The following PDCD1LG2 variants were observed in gnomAD, a reference collection of about 807,000 sequenced individuals.
The protein encoded by PDCD1LG2 is programmed cell death 1 ligand 2.
In PDCD1LG2, 32 loss-of-function variants were observed where a neutral mutation model predicts 28.2. That is an observed-to-expected ratio of 1.13 (90% confidence interval 0.86 to 1.52). The LOEUF (loss-of-function observed/expected upper bound fraction) is 1.52. Among genes scored for constraint, PDCD1LG2 ranks in the 40% most tolerant of loss-of-function variants. The pLI, the probability that PDCD1LG2 is intolerant of heterozygous loss-of-function variation, is 0.00. For missense variants in PDCD1LG2, 385 were observed against 323.8 expected (o/e 1.19, Z -1.45); for synonymous variants, 116 against 120.2 (o/e 0.97, Z 0.23).
chr9:5,538,106 GAGA>G (rs1480943213), intron 3 of PDCD1LG2, among the ~76,000 whole-genome samples: 1 of 152,126 alleles, frequency 6.6e-6, no homozygotes, highest in Non-Finnish European at 1.5e-5. Flanking sequence ...AATTTAGACA[GAGA>G]AGAATTTTTT....
rs140528104 is a variant in PDCD1LG2, at chr9:5,526,087, G to A, written c.55+3486G>A. ...AAGTAAGGAAGAGACTGATAAGCCC[G>A]ATATTCAGGACGCCAGTTACCTCTG... On this transcript the variant is annotated intron_variant, in intron 2 of 6. Transcript: ENST00000397747. Among the ~76,000 whole-genome samples, 84 of 150,668 alleles carry A rather than the reference G, an allele frequency of 5.6e-4. 1 individual carries two copies. The East Asian group carries it at 0.016, about 28-fold the overall frequency.
intron 3 of PDCD1LG2, among the ~76,000 whole-genome samples, chr9:5,543,671 G>A (rs1014341083): frequency 6.6e-6 from 1 of 152,124 alleles, no homozygotes; most frequent in African/African-American, 2.4e-5. Flanking sequence ...AAGGCCCAAG[G>A]AAAGCATTTG....
At chr9:5,537,926 C>A (rs1429231657) in intron 3 of PDCD1LG2, among the ~76,000 whole-genome samples, 2 of 152,102 alleles carry the variant, frequency 1.3e-5, no homozygotes, top group African/African-American at 4.8e-5. Flanking sequence ...TTTAAAGCTT[C>A]ATAGTCACAA....
intron 2 of PDCD1LG2, among the ~76,000 whole-genome samples, chr9:5,530,694 T>C (rs1004728158): frequency 6.6e-6 from 1 of 152,220 alleles, no homozygotes; most frequent in Non-Finnish European, 1.5e-5. Context: ...TAGCAACATC[T>C]ACCTCGCAGA....
Position 5,570,302 on chromosome 9 carries a change from T to C in PDCD1LG2, c.*343T>C. 3.5e-6 allele frequency: 1 copy of C among 285,882 alleles called. No individual in the cohort carries two copies. The highest frequency in any genetic ancestry group is 6.6e-6 in the Non-Finnish European group (1 of 151,308). The allele number at this position is 285,882 out of a possible 1,614,324, so 17.7% of individuals were successfully genotyped here. On this transcript the variant is annotated 3_prime_UTR_variant, in exon 7 of 7. Coordinates refer to ENST00000397747, the MANE Select transcript of PDCD1LG2 (RefSeq NM_025239.4). ...AGGAATTATTTCCCCTCAAGTTTTC[T>C]AAGTGATTTCCAAAAGCAGAGGTGT... is the stretch of plus-strand genomic sequence containing the variant.
intron 2 of PDCD1LG2, among the ~76,000 whole-genome samples, chr9:5,524,219 G>A (rs908920013): frequency 3.3e-5 from 5 of 152,132 alleles, no homozygotes; most frequent in South Asian, 2.1e-4. Flanking sequence ...AGGTGACACC[G>A]GCAAGATTTC....
chr9:5,551,729 T>C (rs1001569251), intron 4 of PDCD1LG2, among the ~76,000 whole-genome samples: 1 of 152,174 alleles, frequency 6.6e-6, no homozygotes, highest in Non-Finnish European at 1.5e-5. Flanking sequence ...TAAGCCTAAC[T>C]AGAATTCTAC....
rs1167874917 is a variant in PDCD1LG2 at position 5,569,941 on chromosome 9, C to T, written c.817-13C>T. 6.2e-7 allele frequency: 1 copy of T among 1,613,518 alleles called. No individual in the cohort carries two copies. Among genetic ancestry groups the T allele is most frequent in the Non-Finnish European group, 8.5e-7 (1 of 1,179,610 alleles). ...AAAAATGATTTTTCTTATTTGTGGGCTTTTCTCCCCAGATCTGAACCTGTG... is the reference window on the plus strand; with the variant it reads ...AAAAATGATTTTTCTTATTTGTGGGTTTTTCTCCCCAGATCTGAACCTGTG... On this transcript the variant is annotated splice_polypyrimidine_tract_variant and intron_variant, in intron 6 of 6. Coordinates refer to ENST00000397747, the MANE Select transcript of PDCD1LG2 (RefSeq NM_025239.4). The surrounding 1 kb of genome is among the most constrained non-coding windows in gnomAD (Gnocchi z 4.1).
In PDCD1LG2 at chr9:5,529,219, T is replaced by C. The variant is rs192158594; in HGVS notation, c.56-5526T>C. 2.8e-3 allele frequency among the ~76,000 whole-genome samples: 434 copies of C among 152,364 alleles called. 3 individuals are homozygous for C. The highest frequency in any genetic ancestry group is 9.0e-3 in the African/African-American group (373 of 41,592). On this transcript the variant is annotated intron_variant, in intron 2 of 6. Coordinates refer to ENST00000397747, the MANE Select transcript of PDCD1LG2 (RefSeq NM_025239.4). Reference sequence around the variant, plus strand: ...TGCTTTTGGTATCATATCCAAAAACTCTTTACATAACCCAAGATGTAAAAG... The same window carrying C: ...TGCTTTTGGTATCATATCCAAAAACCCTTTACATAACCCAAGATGTAAAAG...
Position 5,549,397 on chromosome 9 carries a change from A to G in PDCD1LG2, c.424A>G (p.Thr142Ala), listed in dbSNP as rs181034723. Residue 142 changes from threonine (T) to alanine (A), a missense_variant, in exon 4 of 7, where the codon ACC (threonine) becomes GCC (alanine). Thr to Ala is a moderately conservative substitution (Grantham distance 58). Transcript: ENST00000397747. ...TCCAGAAACAGATGAGGTAGAGCTC[A>G]CCTGCCAGGCTACAGGTTATCCTCT... ...KVPETDEVEL[T>A]CQATGYPLAE... 6.2e-7 allele frequency: 1 copy of G among 1,614,194 alleles called. No homozygotes were observed. The highest frequency in any genetic ancestry group is 2.2e-5 in the East Asian group (1 of 44,884).
chr9:5,546,133 G>GCTCT (rs972100895), intron 3 of PDCD1LG2, among the ~76,000 whole-genome samples: 1 of 152,122 alleles, frequency 6.6e-6, no homozygotes, highest in African/African-American at 2.4e-5. Context: ...TAGTGGAAGA[G>GCTCT]CTCTCTCTCT....
At position 5,549,474 on chromosome 9, in the gene PDCD1LG2, C is replaced by T. The variant is rs56043856; in HGVS notation, c.501C>T (p.Ser167=). 290 of 1,614,172 alleles carry T rather than the reference C, an allele frequency of 1.8e-4. 1 individual carries two copies. The East Asian group carries it at 5.9e-3, about 33-fold the overall frequency. ...GCGTTCCTGCCAACACCAGCCACTCCAGGACCCCTGAAGGCCTCTACCAGG... is the reference window on the plus strand; with the variant it reads ...GCGTTCCTGCCAACACCAGCCACTCTAGGACCCCTGAAGGCCTCTACCAGG... ...NVSVPANTSH[S]RTPEGLYQVT... is the part of the protein sequence containing the mutation. The change falls in exon 4 of 7, where the codon TCC becomes TCT. Residue 167 remains serine (S), a synonymous_variant. Coordinates refer to ENST00000397747, the MANE Select transcript of PDCD1LG2 (RefSeq NM_025239.4).
intron 4 of PDCD1LG2, among the ~76,000 whole-genome samples, chr9:5,552,737 C>T (rs1263618783): frequency 6.6e-6 from 1 of 152,152 alleles, no homozygotes; most frequent in Admixed American, 6.5e-5. Context: ...CTCATCATAA[C>T]TTTCCTGGTA....
At chr9:5,554,428 T>A (rs1175642090) in intron 4 of PDCD1LG2, among the ~76,000 whole-genome samples, 1 of 152,236 alleles carries the variant, frequency 6.6e-6, no homozygotes, top group Non-Finnish European at 1.5e-5. Flanking sequence ...AGGGCATTTT[T>A]AAGTTGTCTT....
intron 2 of PDCD1LG2, among the ~76,000 whole-genome samples, chr9:5,529,611 G>C (rs1820443367): frequency 6.6e-6 from 1 of 151,544 alleles, no homozygotes; most frequent in Admixed American, 6.6e-5. Context: ...TTTATACCTT[G>C]TCATGTCTTA....
intron 4 of PDCD1LG2, among the ~76,000 whole-genome samples, chr9:5,556,054 A>T (rs1167158225): frequency 6.6e-6 from 1 of 152,240 alleles, no homozygotes; most frequent in African/African-American, 2.4e-5. Context: ...GCTTGGCTCT[A>T]TCTAGAGAGG....
At chr9:5,545,284 C>T (rs1816167651) in intron 3 of PDCD1LG2, among the ~76,000 whole-genome samples, 1 of 152,238 alleles carries the variant, frequency 6.6e-6, no homozygotes, top group Admixed American at 6.5e-5. Context: ...ATTCTGAACT[C>T]ATGTTTTTAA....
chr9:5,513,825 A>G (rs1224308679), intron 1 of PDCD1LG2, among the ~76,000 whole-genome samples: 6 of 152,226 alleles, frequency 3.9e-5, no homozygotes, highest in African/African-American at 1.4e-4. Flanking sequence ...AGCTAGGTCT[A>G]ATACAATGGA....
chr9:5,527,557 T>C (rs377538925), intron 2 of PDCD1LG2, among the ~76,000 whole-genome samples: 1 of 152,360 alleles, frequency 6.6e-6, no homozygotes, highest in African/African-American at 2.4e-5. Flanking sequence ...AATTCCCCAA[T>C]TGGGGCACAT....
Sources: allele counts gnomAD v4.1 joint callset (sites outside exome capture counted in the v4.1 genomes callset), GRCh38; gene constraint gnomAD v4.1.1; non-coding constraint Gnocchi (gnomAD v3.1); transcripts MANE v1.5; gene names NCBI Gene and HGNC (gene_info 2026-07-23, HGNC 2026-07-21).